The following RNF216 variants were observed in gnomAD, a reference collection of about 807,000 sequenced individuals.
RNF216 encodes the protein ring finger protein 216.
In RNF216, 72 loss-of-function variants were observed where a neutral mutation model predicts 110.8. The observed-to-expected ratio is 0.65, with a 90% CI of 0.54 to 0.79. The LOEUF (loss-of-function observed/expected upper bound fraction) is 0.79, where lower values mean the gene tolerates loss of function less well. Among genes scored for constraint, RNF216 ranks in the 30% least tolerant of loss-of-function variants. The probability of loss-of-function intolerance (pLI) is 0.00; values close to 1 mark genes in which losing one functional copy is unlikely to be tolerated. For missense variants in RNF216, 1,342 were observed against 1,141.2 expected, an observed-to-expected ratio of 1.18 and a Z score of -2.54; for synonymous variants, 495 against 407.5, an observed-to-expected ratio of 1.21 and a Z score of -2.59.
intron 13 of RNF216, among the ~76,000 whole-genome samples, chr7:5,700,250 C>T (rs928176935): frequency 6.6e-6 from 1 of 152,146 alleles, no homozygotes; most frequent in African/African-American, 2.4e-5. Flanking sequence ...CACCACAAGC[C>T]GCACACGTGC....
intron 9 of RNF216, among the ~76,000 whole-genome samples, chr7:5,718,649 C>A (rs931984300): frequency 1.3e-5 from 2 of 151,544 alleles, no homozygotes; most frequent in African/African-American, 4.9e-5. Flanking sequence ...CTCCCATGTT[C>A]AAGCAATTCT....
intron 2 of RNF216, among the ~76,000 whole-genome samples, chr7:5,756,678 T>C (rs796418312): frequency 5.1e-4 from 77 of 152,238 alleles, no homozygotes; most frequent in African/African-American, 1.8e-3. Flanking sequence ...TAGAGTACAA[T>C]AGCATGAACA....
Position 5,729,496 on chromosome 7 carries a change from A to G in RNF216, c.1325T>C (p.Leu442Pro). 1 of 1,614,172 alleles carries G rather than the reference A, an allele frequency of 6.2e-7. No homozygotes were observed. Among genetic ancestry groups the G allele is most frequent in the Non-Finnish European group, 8.5e-7 (1 of 1,180,028 alleles). Reference sequence around the variant, plus strand: ...GGCCCACTTGATGTCCTGACTACTGAGCACTTTGAAGTCGGCCATGAGGAG... The same window carrying G: ...GGCCCACTTGATGTCCTGACTACTGGGCACTTTGAAGTCGGCCATGAGGAG... ...ADLLMADFKV[L>P]SSQDIKWALH... The change falls in exon 7 of 17, where the codon CTC becomes CCC. Residue 442 changes from leucine (L) to proline (P), a missense_variant. By Grantham distance (98) the Leu-to-Pro change is moderately conservative (BLOSUM62 -3). Transcript: ENST00000389902.
intron 14 of RNF216, among the ~76,000 whole-genome samples, chr7:5,641,715 G>T (rs1034705618): frequency 3.3e-5 from 5 of 152,142 alleles, no homozygotes; most frequent in Non-Finnish European, 7.4e-5. Context: ...TGCTCTATTT[G>T]TTATAGGAAT....
At chr7:5,660,724 T>C (rs146628573) in intron 13 of RNF216, among the ~76,000 whole-genome samples, 6,389 of 152,014 alleles carry the variant, frequency 0.042, 186 homozygotes, top group East Asian at 0.092. Flanking sequence ...ACCACAGGTG[T>C]GCACCACCAT....
intron 3 of RNF216, among the ~76,000 whole-genome samples, chr7:5,752,183 C>CA (rs886388586): frequency 6.7e-5 from 10 of 148,790 alleles, no homozygotes; most frequent in African/African-American, 2.5e-4. Flanking sequence ...AACTCCGTCT[C>CA]AAAAAAATAA....
intron 3 of RNF216, among the ~76,000 whole-genome samples, chr7:5,746,611 T>C (rs565499988): frequency 9.8e-5 from 15 of 152,286 alleles, no homozygotes; most frequent in African/African-American, 3.6e-4. Context: ...ATTGGCTAGG[T>C]AGGACATCTT....
At chr7:5,684,297 CG>C (rs1490898357) in intron 13 of RNF216, among the ~76,000 whole-genome samples, 1 of 151,748 alleles carries the variant, frequency 6.6e-6, no homozygotes, top group Non-Finnish European at 1.5e-5. Context: ...TTAGTAGAGA[CG>C]GGGTTTCACT....
chr7:5,739,837 C>T (rs970031198), intron 4 of RNF216, among the ~76,000 whole-genome samples: 10 of 151,752 alleles, frequency 6.6e-5, no homozygotes, highest in Admixed American at 6.6e-4. Context: ...CCCGTCTCTA[C>T]TAAAAAAATA....
At chr7:5,691,910 T>C (rs955643807) in intron 13 of RNF216, among the ~76,000 whole-genome samples, 18 of 152,358 alleles carry the variant, frequency 1.2e-4, no homozygotes, top group African/African-American at 3.8e-4. Context: ...TCAAGACAAG[T>C]AATGAAAGAC....
At chr7:5,648,643 G>A (rs1402423023) in intron 14 of RNF216, among the ~76,000 whole-genome samples, 1 of 151,398 alleles carries the variant, frequency 6.6e-6, no homozygotes, top group African/African-American at 2.4e-5. Flanking sequence ...CAGGAGAACG[G>A]TGTGAACCTG....
At chr7:5,780,904 G>A (rs1183125004) in intron 1 of RNF216, among the ~76,000 whole-genome samples, 1 of 152,158 alleles carries the variant, frequency 6.6e-6, no homozygotes, top group Non-Finnish European at 1.5e-5. Context: ...CCCTGGTCCT[G>A]TTCCACCGGG....
chr7:5,697,792 G>C (rs796938855), intron 13 of RNF216, among the ~76,000 whole-genome samples: 5 of 152,330 alleles, frequency 3.3e-5, no homozygotes, highest in African/African-American at 1.2e-4. Flanking sequence ...AGAGTAGTAG[G>C]TGCTGGCCTT....
At chr7:5,685,790 G>C (rs1340730736) in intron 13 of RNF216, among the ~76,000 whole-genome samples, 2 of 152,150 alleles carry the variant, frequency 1.3e-5, no homozygotes, top group Non-Finnish European at 2.9e-5. Flanking sequence ...AATATTCAAA[G>C]CCCCATTAAT....
chr7:5,740,947 C>A, intron 4 of RNF216, 26 bp downstream of exon 4: 1 of 1,556,240 alleles, frequency 6.4e-7, no homozygotes, highest in South Asian at 1.2e-5. Context: ...GTAGTGTCTA[C>A]ATTTACTTGA....
At chr7:5,663,370 G>A (rs1036532700) in intron 13 of RNF216, among the ~76,000 whole-genome samples, 1 of 152,030 alleles carries the variant, frequency 6.6e-6, no homozygotes, top group African/African-American at 2.4e-5. Context: ...CATGACGTCA[G>A]GAGATCGAGA....
chr7:5,764,774 G>A (rs1796114194), intron 1 of RNF216, among the ~76,000 whole-genome samples: 2 of 152,218 alleles, frequency 1.3e-5, no homozygotes, highest in South Asian at 4.1e-4. Flanking sequence ...TTTTTCAAGA[G>A]TAAGGGTAGC....
At chr7:5,747,712 T>C (rs1463780132) in intron 3 of RNF216, among the ~76,000 whole-genome samples, 1 of 108,908 alleles carries the variant, frequency 9.2e-6, no homozygotes, top group Non-Finnish European at 1.7e-5. Context: ...ATTGCACCAC[T>C]GCATCCTGGC....
intron 13 of RNF216, among the ~76,000 whole-genome samples, chr7:5,708,987 C>G (rs1055072683): frequency 6.6e-6 from 1 of 152,198 alleles, no homozygotes; most frequent in African/African-American, 2.4e-5. Context: ...TCAGCAGCCC[C>G]CAGGGACCTA....
Sources: gnomAD v4.1 joint callset for allele counts (sites outside exome capture counted in the v4.1 genomes callset) on GRCh38, gnomAD v4.1.1 for gene constraint, MANE v1.5 for transcripts, NCBI Gene and HGNC (gene_info 2026-07-23, HGNC 2026-07-21) for gene names.